HIVEP3: variants seen among roughly 807,000 people sequenced by gnomAD.
HIVEP3 encodes HIVEP zinc finger 3.
In HIVEP3, 49 loss-of-function variants were observed where a neutral mutation model predicts 152.8. The observed-to-expected ratio is 0.32, with a 90% CI of 0.26 to 0.41. HIVEP3 has a LOEUF of 0.41. HIVEP3 is among the 10% of genes least tolerant of loss of function. The pLI, the probability that HIVEP3 is intolerant of heterozygous loss-of-function variation, is 1.00. For missense variants in HIVEP3, 2,790 were observed against 3,103.3 expected, an observed-to-expected ratio of 0.90 and a Z score of 2.40; for synonymous variants, 1,269 against 1,289.0, an observed-to-expected ratio of 0.98 and a Z score of 0.33.
intron 1 of HIVEP3, among the ~76,000 whole-genome samples, chr1:41,721,204 A>ATT (rs56881396): frequency 0.062 from 9,084 of 146,146 alleles, 964 homozygotes; most frequent in African/African-American, 0.22. Flanking sequence ...TCTTACTGCA[A>ATT]TTTTTTTTTT....
At position 41,583,067 on chromosome 1, in the gene HIVEP3, A is replaced by C; in HGVS notation, c.1731T>G (p.Ser577Arg). The stretch of plus-strand genomic sequence containing the variant: ...TCCGGGGGTGGGAGGTAAACACGTG[A>C]CTGCTGTGGCTCAGGGCTTCGGAGT... ...ITDSEALSHS[S>R]HVFTSHPRML... Residue 577 changes from serine (S) to arginine (R), a missense_variant, in exon 4 of 9, where the codon AGT (serine) becomes AGG (arginine). Around this residue, in one of 9 missense-constraint regions of HIVEP3, gnomAD observed 339 missense variants for 327.0 expected, o/e 1.04. Coordinates refer to ENST00000372583, the MANE Select transcript of HIVEP3 (RefSeq NM_024503.5). The surrounding 1 kb of genome is among the most constrained non-coding windows in gnomAD (Gnocchi z 6.9). The C allele has an allele frequency of 2.5e-6, 4 of 1,613,728 alleles. No individual in the cohort carries two copies. The highest frequency in any genetic ancestry group is 3.4e-6 in the Non-Finnish European group (4 of 1,179,852).
intron 1 of HIVEP3, among the ~76,000 whole-genome samples, chr1:41,784,897 T>C (rs1346601508): frequency 1.3e-5 from 2 of 152,128 alleles, no homozygotes; most frequent in Non-Finnish European, 2.9e-5. Context: ...CAAAACCATA[T>C]AACCTAAATA....
chr1:41,850,080 A>G (rs1643554710), intron 1 of HIVEP3, among the ~76,000 whole-genome samples: 1 of 152,224 alleles, frequency 6.6e-6, no homozygotes, highest in African/African-American at 2.4e-5. Flanking sequence ...GTTAAAACAC[A>G]GAGTTTTGGT....
chr1:41,728,029 A>G (rs1163240612), intron 1 of HIVEP3, among the ~76,000 whole-genome samples: 2 of 152,126 alleles, frequency 1.3e-5, no homozygotes, highest in Non-Finnish European at 1.5e-5. Flanking sequence ...AGTATCCACC[A>G]TCTTATTGTT....
intron 6 of HIVEP3, among the ~76,000 whole-genome samples, chr1:41,522,258 C>T (rs1337392332): frequency 6.6e-6 from 1 of 152,248 alleles, no homozygotes; most frequent in Non-Finnish European, 1.5e-5. Flanking sequence ...ACAGGAGCTC[C>T]AGCGCCCTGC....
intron 5 of HIVEP3, among the ~76,000 whole-genome samples, chr1:41,527,312 A>ACCCT (rs1558029500): frequency 1.1e-4 from 4 of 35,140 alleles, no homozygotes; most frequent in African/African-American, 1.4e-4. Context: ...CTCACACTTC[A>ACCCT]CACCCCTGCA....
intron 2 of HIVEP3, among the ~76,000 whole-genome samples, chr1:41,682,179 A>C (rs994552318): frequency 6.6e-6 from 1 of 151,766 alleles, no homozygotes; most frequent in African/African-American, 2.4e-5. Context: ...CCTTGGCCAC[A>C]CTCAGTGGCT....
intron 1 of HIVEP3, among the ~76,000 whole-genome samples, chr1:41,785,781 G>A (rs1558267495): frequency 6.6e-6 from 1 of 152,344 alleles, no homozygotes; most frequent in East Asian, 1.9e-4. Context: ...TGGATCACCT[G>A]AGGTCAGGAG....
intron 1 of HIVEP3, among the ~76,000 whole-genome samples, chr1:41,876,101 T>G (rs1644165976): frequency 6.9e-6 from 1 of 144,880 alleles, no homozygotes; most frequent in African/African-American, 2.5e-5. Context: ...TCTACTTTGT[T>G]GGGGAGAGTG....
intron 1 of HIVEP3, among the ~76,000 whole-genome samples, chr1:41,958,023 G>A (rs2124495680): frequency 6.6e-6 from 1 of 152,314 alleles, no homozygotes; most frequent in East Asian, 1.9e-4. Flanking sequence ...GGCATATATG[G>A]ACTCCCAAAC....
chr1:41,858,381 T>C (rs541861944), intron 1 of HIVEP3, among the ~76,000 whole-genome samples: 2 of 152,370 alleles, frequency 1.3e-5, no homozygotes, highest in South Asian at 4.1e-4. Context: ...TGCCCTGTCA[T>C]TCACAAAAAT....
At chr1:41,518,810 G>A (rs935199242) in intron 6 of HIVEP3, among the ~76,000 whole-genome samples, 1 of 147,244 alleles carries the variant, frequency 6.8e-6, no homozygotes, top group Non-Finnish European at 1.5e-5. Context: ...CAACTCAAGT[G>A]CAATAGGTTT....
At chr1:41,557,679 G>C (rs377622476) in intron 5 of HIVEP3, among the ~76,000 whole-genome samples, 2 of 152,112 alleles carry the variant, frequency 1.3e-5, no homozygotes, top group Admixed American at 6.5e-5. Context: ...CTCCAGGGGT[G>C]GGGGGCAGAG....
chr1:41,900,394 G>A (rs1375940694), intron 1 of HIVEP3, among the ~76,000 whole-genome samples: 2 of 152,206 alleles, frequency 1.3e-5, no homozygotes, highest in Non-Finnish European at 2.9e-5. Flanking sequence ...GGAGGGAAGA[G>A]GAGGGAGCAA....
intron 1 of HIVEP3, among the ~76,000 whole-genome samples, chr1:41,801,270 C>T (rs1650287552): frequency 6.6e-6 from 1 of 152,072 alleles, no homozygotes; most frequent in Admixed American, 6.5e-5. Flanking sequence ...AGCAACATCC[C>T]CCTCCCTTGC....
intron 5 of HIVEP3, among the ~76,000 whole-genome samples, chr1:41,574,995 T>G (rs1393705144): frequency 6.6e-6 from 1 of 152,156 alleles, no homozygotes; most frequent in African/African-American, 2.4e-5. Context: ...TGAATGAGAT[T>G]CAAAATATTC....
intron 5 of HIVEP3, among the ~76,000 whole-genome samples, chr1:41,547,958 C>T (rs956751569): frequency 4.6e-5 from 7 of 152,124 alleles, no homozygotes; most frequent in African/African-American, 9.7e-5. Flanking sequence ...CTTTCCTGCA[C>T]GGTGCTAATG....
intron 1 of HIVEP3, among the ~76,000 whole-genome samples, chr1:41,953,975 T>G (rs893116943): frequency 1.3e-5 from 2 of 152,170 alleles, no homozygotes; most frequent in African/African-American, 4.8e-5. Context: ...AGCTCAGTAT[T>G]CCATTCTGGC....
chr1:41,785,691 T>C (rs967723533), intron 1 of HIVEP3, among the ~76,000 whole-genome samples: 8 of 152,320 alleles, frequency 5.3e-5, no homozygotes, highest in African/African-American at 1.9e-4. Context: ...AATTTATATA[T>C]GAACATAGAA....
Sources: allele counts gnomAD v4.1 joint callset (sites outside exome capture counted in the v4.1 genomes callset), GRCh38; gene constraint gnomAD v4.1.1; regional missense constraint gnomAD v4.1.1; non-coding constraint Gnocchi (gnomAD v3.1); transcripts MANE v1.5; gene names NCBI Gene and HGNC (gene_info 2026-07-23, HGNC 2026-07-21).